The following ADH7 variants were observed in gnomAD, a reference collection of about 807,000 sequenced individuals.
ADH7 encodes alcohol dehydrogenase 7 (class IV), mu or sigma polypeptide, also known as all-trans-retinol dehydrogenase [NAD(+)] ADH7.
In ADH7, 41 loss-of-function variants were observed where a neutral mutation model predicts 34.4. The ratio of observed to expected loss-of-function variants is 1.19; its 90% CI spans 0.93 to 1.55. ADH7 has a LOEUF of 1.55. Among genes scored for constraint, ADH7 ranks in the 40% most tolerant of loss-of-function variants. ADH7 has a pLI of 0.00. For synonymous variants in ADH7, 180 were observed against 160.9 expected, an observed-to-expected ratio of 1.12 and a Z score of -0.90; for missense variants, 540 against 461.2, an observed-to-expected ratio of 1.17 and a Z score of -1.56.
At chr4:99,423,750 T>C (rs1721728710) in intron 5 of ADH7, among the ~76,000 whole-genome samples, 1 of 152,182 alleles carries the variant, frequency 6.6e-6, no homozygotes, top group African/African-American at 2.4e-5. Context: ...GTAAATTTGT[T>C]TGAGTTCATT....
intron 5 of ADH7, among the ~76,000 whole-genome samples, chr4:99,424,113 C>T (rs2110137129): frequency 6.6e-6 from 1 of 152,084 alleles, no homozygotes; most frequent in African/African-American, 2.4e-5. Context: ...CCAGTTTTCC[C>T]AGCACCATTT....
At position 99,428,427 on chromosome 4, in the gene ADH7, A is replaced by C. The variant is rs1721863327; in HGVS notation, c.259+65T>G. On this transcript the variant is annotated intron_variant, in intron 3 of 8. Transcript: ENST00000437033. ...CCTCTAATAATTCCTAGTGTGTGCT[A>C]TTTCCTTTGATAGGCTAATCAAAGC... The C allele has an allele frequency of 4.5e-6, 7 of 1,547,640 alleles. No individual in the cohort carries two copies. The South Asian group carries it at 7.3e-5, about 16-fold the overall frequency.
rs1185042724 is a variant in ADH7 at position 99,435,338 on chromosome 4, A to G, written c.-105T>C. The G allele has an allele frequency of 2.0e-6, 3 of 1,507,524 alleles. No individual in the cohort carries two copies. The highest frequency in any genetic ancestry group is 2.7e-6 in the Non-Finnish European group (3 of 1,093,970). The allele number at this position is 1,507,524 out of a possible 1,614,324, so 93.4% of individuals were successfully genotyped here. A position where few individuals can be genotyped will look rare whatever the true frequency, so the allele number is the denominator to read the frequency against. ...CAGCAGCTTGTGCCTTCACATAGAT[A>G]GTCTGGCTTCAGAGTTCCACCTTCA... On this transcript the variant is annotated 5_prime_UTR_variant, in exon 1 of 9. Coordinates refer to ENST00000437033, the MANE Select transcript of ADH7 (RefSeq NM_000673.7).
chr4:99,424,561 G>C (rs1721752789), intron 5 of ADH7, among the ~76,000 whole-genome samples: 1 of 152,164 alleles, frequency 6.6e-6, no homozygotes, highest in Non-Finnish European at 1.5e-5. Context: ...TCCTTGAGCA[G>C]TGGTTTGTAG....
At chr4:99,423,815 C>A (rs1721730712) in intron 5 of ADH7, among the ~76,000 whole-genome samples, 1 of 152,084 alleles carries the variant, frequency 6.6e-6, no homozygotes, top group Non-Finnish European at 1.5e-5. Flanking sequence ...AAATTTTCCC[C>A]CATTTTATAG....
chr4:99,412,974 A>G lies in ADH7; in HGVS notation c.*174T>C. On this transcript the variant is annotated 3_prime_UTR_variant, in exon 9 of 9. Coordinates refer to ENST00000437033, the MANE Select transcript of ADH7 (RefSeq NM_000673.7). ...ATTATACTAATTCCCAGGTGCTCAC[A>G]AGACTTTAAATGTTTATAAAGGTTA... The G allele has an allele frequency of 1.9e-6, 1 of 527,062 alleles. No individual in the cohort carries two copies. The highest frequency in any genetic ancestry group is 3.3e-6 in the Non-Finnish European group (1 of 306,340). The allele number at this position is 527,062 out of a possible 1,614,324, so 32.6% of individuals were successfully genotyped here.
At position 99,420,798 on chromosome 4, in the gene ADH7, G is replaced by A. The variant is rs1341385814; in HGVS notation, c.565-5C>T. On this transcript the variant is annotated splice_region_variant and splice_polypyrimidine_tract_variant and intron_variant, in intron 5 of 8. Transcript: ENST00000437033. Reference sequence around the variant, plus strand: ...GCAAGTGGAACCAGGTTTGACCTGTGGAGAGGAATGTTCTTGAACATGTTA... The same window carrying A: ...GCAAGTGGAACCAGGTTTGACCTGTAGAGAGGAATGTTCTTGAACATGTTA... 1 of 1,613,364 alleles carries A rather than the reference G, an allele frequency of 6.2e-7. No individual in the cohort carries two copies. The highest frequency in any genetic ancestry group is 1.3e-5 in the African/African-American group (1 of 74,896).
chr4:99,418,946 A>G, intron 7 of ADH7, 40 bp downstream of exon 7: 2 of 1,607,474 alleles, frequency 1.2e-6, no homozygotes, highest in South Asian at 2.2e-5. Context: ...CACCAGAGTG[A>G]AAGCCATCAC....
In ADH7 at chr4:99,413,064, A is replaced by G; in HGVS notation, c.*84T>C. 1 of 1,370,690 alleles carries G rather than the reference A, an allele frequency of 7.3e-7. No individual in the cohort carries two copies. Among genetic ancestry groups the G allele is most frequent in the South Asian group, 1.2e-5 (1 of 83,770 alleles). The allele number at this position is 1,370,690 out of a possible 1,614,324, so 84.9% of individuals were successfully genotyped here. A position where few individuals can be genotyped will look rare whatever the true frequency, so the allele number is the denominator to read the frequency against. On this transcript the variant is annotated 3_prime_UTR_variant, in exon 9 of 9. Coordinates refer to ENST00000437033, the MANE Select transcript of ADH7 (RefSeq NM_000673.7). ...CTACTTATGCTTGTATTTGTGAGAC[A>G]GATACATGATTTCAGATGAGGGAAC...
Position 99,433,786 on chromosome 4 carries a change from A to T in ADH7, c.18+1430T>A, listed in dbSNP as rs954749614. Among the ~76,000 whole-genome samples the T allele has an allele frequency of 1.4e-4, 22 of 152,304 alleles. 1 individual carries two copies. Among genetic ancestry groups the T allele is most frequent in the Admixed American group, 1.1e-3 (17 of 15,290 alleles). ...GATGACACCTTAATCTCAGAATTGC[A>T]GCCTTCAGATGTACAAGAAAACAAA... On this transcript the variant is annotated intron_variant, in intron 1 of 8. Transcript: ENST00000437033.
chr4:99,426,666 T>C (rs1157325707), intron 5 of ADH7, among the ~76,000 whole-genome samples: 3 of 152,170 alleles, frequency 2.0e-5, no homozygotes, highest in Non-Finnish European at 2.9e-5. Context: ...TCTGAAACTA[T>C]TCCAATCAAT....
intron 5 of ADH7, 92 bp downstream of exon 5, chr4:99,427,680 GT>G (rs11480228): frequency 0.011 from 8,732 of 785,840 alleles, no homozygotes; most frequent in South Asian, 0.015. Flanking sequence ...TCTTTTAAAT[GT>G]TTTTTTTTTT....
intron 6 of ADH7, among the ~76,000 whole-genome samples, chr4:99,420,238 A>G (rs1240087578): frequency 6.6e-6 from 1 of 152,202 alleles, no homozygotes; most frequent in Non-Finnish European, 1.5e-5. Flanking sequence ...AGAAATCTAC[A>G]TATACAAGGA....
In ADH7 at chr4:99,420,691, C is replaced by A; in HGVS notation, c.667G>T (p.Asp223Tyr). ...SAGASRIIGI[D>Y]LNKDKFEKAM... The stretch of plus-strand genomic sequence containing the variant: ...TTCTCAAATTTGTCTTTGTTGAGGT[C>A]AATCCCAATGATCCTAGATGCACCA... Residue 223 changes from aspartate (D) to tyrosine (Y), a missense_variant, in exon 6 of 9, where the codon GAC becomes TAC. Asp to Tyr is a radical substitution (Grantham distance 160). Transcript: ENST00000437033. 6.2e-7 allele frequency: 1 copy of A among 1,613,932 alleles called. No individual in the cohort carries two copies. The highest frequency in any genetic ancestry group is 1.7e-4 in the Middle Eastern group (1 of 6,060).
At chr4:99,424,543 C>G (rs1183291301) in intron 5 of ADH7, among the ~76,000 whole-genome samples, 4 of 152,148 alleles carry the variant, frequency 2.6e-5, no homozygotes, top group Non-Finnish European at 5.9e-5. Context: ...TTTGTATCCT[C>G]TTTTATTTCC....
At chr4:99,416,225 C>T (rs1200292645) in intron 7 of ADH7, among the ~76,000 whole-genome samples, 1 of 152,158 alleles carries the variant, frequency 6.6e-6, no homozygotes, top group Non-Finnish European at 1.5e-5. Flanking sequence ...CATATCTTTG[C>T]TTCTATTGCA....
At chr4:99,425,127 G>T (rs571545594) in intron 5 of ADH7, among the ~76,000 whole-genome samples, 7 of 151,956 alleles carry the variant, frequency 4.6e-5, no homozygotes, top group Admixed American at 2.6e-4. Context: ...AAAGACCATC[G>T]AGACTAGGAA....
chr4:99,418,847 G>C, intron 7 of ADH7, 139 bp downstream of exon 7: 1 of 1,013,232 alleles, frequency 9.9e-7, no homozygotes, highest in Non-Finnish European at 1.4e-6. Flanking sequence ...TATCTTTTGT[G>C]TTATTATGAT....
At chr4:99,425,818 T>C (rs1420185175) in intron 5 of ADH7, among the ~76,000 whole-genome samples, 1 of 152,010 alleles carries the variant, frequency 6.6e-6, no homozygotes, top group Non-Finnish European at 1.5e-5. Context: ...AGTAAAGCTC[T>C]CCTCAGCAAA....
Sources: allele counts gnomAD v4.1 joint callset (sites outside exome capture counted in the v4.1 genomes callset), GRCh38; gene constraint gnomAD v4.1.1; transcripts MANE v1.5; gene names NCBI Gene and HGNC (gene_info 2026-07-23, HGNC 2026-07-21).